The following LRWD1 variants were observed in gnomAD, a reference collection of about 807,000 sequenced individuals.
The protein encoded by LRWD1 is leucine rich repeats and WD repeat domain containing 1.
LRWD1 carries 76 observed loss-of-function variants against 75.6 expected under a neutral mutation model. That is an observed-to-expected ratio of 1.01 (90% CI 0.84 to 1.22). The LOEUF is 1.22. Ranked by LOEUF, LRWD1 falls within the 50% of genes most tolerant of loss-of-function variation. The pLI is 0.00. For synonymous variants in LRWD1, 487 were observed against 377.0 expected (o/e 1.29, Z -3.38); for missense variants, 917 against 862.0 (o/e 1.06, Z -0.80).
chr7:102,465,355 G>T (rs1277714691), intron 1 of LRWD1, among the ~76,000 whole-genome samples, 195 bp downstream of exon 1: 2 of 152,228 alleles, frequency 1.3e-5, no homozygotes, highest in Admixed American at 1.3e-4. Flanking sequence ...ATCCCCTGAA[G>T]GGAGCCCGGA....
intron 10 of LRWD1, 22 bp from the exon 11 acceptor site, chr7:102,469,720 G>T: frequency 6.2e-7 from 1 of 1,611,804 alleles, no homozygotes; most frequent in Non-Finnish European, 8.5e-7. Flanking sequence ...CTGATGCTCT[G>T]TTCCCCCTTG....
In LRWD1 at chr7:102,468,315, A is replaced by G. The variant is rs748048714; in HGVS notation, c.857A>G (p.Asn286Ser). ...LHFLQCHSKNNSPQDLETQLW... is the reference protein window; with the variant it reads ...LHFLQCHSKNSSPQDLETQLW... Reference sequence around the variant, plus strand: ...TTCCTGCAGTGCCACAGCAAGAACAACAGCCCCCAGGACCTCGAGACCCAG... The same window carrying G: ...TTCCTGCAGTGCCACAGCAAGAACAGCAGCCCCCAGGACCTCGAGACCCAG... The change falls in exon 7 of 15, where the codon AAC becomes AGC. Residue 286 changes from asparagine (N) to serine (S), a missense_variant. Asn to Ser is a conservative substitution (Grantham distance 46). Coordinates refer to ENST00000292616, the MANE Select transcript of LRWD1 (RefSeq NM_152892.3). 9 of 1,612,758 alleles carry G rather than the reference A, an allele frequency of 5.6e-6. No homozygotes were observed. Among genetic ancestry groups the G allele is most frequent in the Non-Finnish European group, 7.6e-6 (9 of 1,179,600 alleles).
rs1029953302 is a variant in LRWD1, at chr7:102,465,199, CCGGGCGGT to C, written c.80+44_80+51del. On this transcript the variant is annotated intron_variant, in intron 1 of 14. Coordinates refer to ENST00000292616, the MANE Select transcript of LRWD1 (RefSeq NM_152892.3). Reference sequence around the variant, plus strand: ...AGCGGGTGAGGCTGTGTCCTCGGGGCCGGGCGGTCGGGGAGAAGAGCGGGGACCCTCCC... The same window carrying C: ...AGCGGGTGAGGCTGTGTCCTCGGGGCCGGGGAGAAGAGCGGGGACCCTCCC... 3.0e-5 allele frequency: 42 copies of C among 1,412,938 alleles called. No homozygotes were observed. In the African/African-American group the frequency reaches 5.6e-4, roughly 19 times the overall value. The allele number at this position is 1,412,938 out of a possible 1,614,324, so 87.5% of individuals were successfully genotyped here.
Position 102,472,903 on chromosome 7 carries a change from C to T in LRWD1, c.1804-6C>T, listed in dbSNP as rs751209451. The T allele has an allele frequency of 1.2e-6, 2 of 1,613,548 alleles. No homozygotes were observed. The highest frequency in any genetic ancestry group is 1.1e-5 in the South Asian group (1 of 91,066). On this transcript the variant is annotated splice_region_variant and splice_polypyrimidine_tract_variant and intron_variant, in intron 14 of 14. Coordinates refer to ENST00000292616, the MANE Select transcript of LRWD1 (RefSeq NM_152892.3). The stretch of plus-strand genomic sequence containing the variant: ...CCAGCCCAGCCCTCCCCTCTCTCCC[C>T]ACCAGATCCTGAAGTGGCCCCAGCC...
intron 4 of LRWD1, 37 bp from the exon 5 acceptor site, chr7:102,467,682 A>ACT (rs1798053952): frequency 1.4e-5 from 21 of 1,542,552 alleles, no homozygotes; most frequent in Non-Finnish European, 1.8e-5. Flanking sequence ...GGCACCTGGG[A>ACT]CTCTGCCCAG....
At chr7:102,467,171 G>GTGTGTGTGTGTGTGTGTGTGTGT (rs1554579596) in intron 3 of LRWD1, among the ~76,000 whole-genome samples, 168 bp from the exon 4 acceptor site, 1 of 99,114 alleles carries the variant, frequency 1.0e-5, no homozygotes, top group African/African-American at 4.4e-5. Context: ...GTGTGTGTGG[G>GTGTGTGTGTGTGTGTGTGTGTGT]GTGTGTGTGT....
At chr7:102,471,971 C>G (rs561563355) in intron 11 of LRWD1, 66 of 492,368 alleles carry the variant, frequency 1.3e-4, no homozygotes, top group Admixed American at 1.1e-3. Context: ...TGGCCTAGCC[C>G]CGTCCTGGAA....
In LRWD1 at chr7:102,472,495, T is replaced by C; in HGVS notation, c.1576T>C (p.Trp526Arg). Reference protein sequence around the residue: ...SGLGTICLWSWRQTWGGRGSQ... With the variant: ...SGLGTICLWSRRQTWGGRGSQ... ...CCTGGGCACCATCTGCCTGTGGAGC[T>C]GGAGGCAGACGTGGGGGGGCCGGGG... The change falls in exon 13 of 15, where the codon TGG (tryptophan) becomes CGG (arginine). Residue 526 changes from tryptophan (W) to arginine (R), a missense_variant. By Grantham distance (101) the Trp-to-Arg change is moderately radical. Coordinates refer to ENST00000292616, the MANE Select transcript of LRWD1 (RefSeq NM_152892.3). 1 of 1,547,116 alleles carries C rather than the reference T, an allele frequency of 6.5e-7. No homozygotes were observed.
chr7:102,467,369 A>T lies in LRWD1; in HGVS notation c.463A>T (p.Thr155Ser), dbSNP rs372583053. Residue 155 changes from threonine (T) to serine (S), a missense_variant, in exon 4 of 15, where the codon ACA becomes TCA. Physicochemically the swap from Thr to Ser is moderately conservative, Grantham distance 58. Coordinates refer to ENST00000292616, the MANE Select transcript of LRWD1 (RefSeq NM_152892.3). ...VTAHWEKFMA[T>S]LGPEEEAEKA... is the part of the protein sequence containing the mutation. ...AGCTCACTGGGAGAAGTTCATGGCC[A>T]CACTGGGTCCTGAAGAGGAGGCTGA... The T allele has an allele frequency of 6.0e-5, 96 of 1,612,394 alleles. No homozygotes were observed. Among genetic ancestry groups the T allele is most frequent in the Middle Eastern group, 1.7e-4 (1 of 6,054 alleles).
At position 102,466,067 on chromosome 7, in the gene LRWD1, C is replaced by T; in HGVS notation, c.315+16C>T. ...CTTCCTGACGGTAAGTGGGAGCCTC[C>T]CACCAGCTTCATACCTGGGGCCAGG... On this transcript the variant is annotated intron_variant, in intron 2 of 14. Transcript: ENST00000292616. 1 of 1,613,842 alleles carries T rather than the reference C, an allele frequency of 6.2e-7. No individual in the cohort carries two copies. Among genetic ancestry groups the T allele is most frequent in the Non-Finnish European group, 8.5e-7 (1 of 1,179,766 alleles).
intron 11 of LRWD1, chr7:102,471,898 C>T (rs1798202422): frequency 9.3e-6 from 3 of 321,884 alleles, no homozygotes; most frequent in African/African-American, 2.1e-5. Context: ...GCCAGGAGGC[C>T]CCTGTTCATC....
intron 1 of LRWD1, chr7:102,465,489 CTTTTTTTTTTTTTTTTTTT>C (rs1007523343): frequency 1.9e-4 from 14 of 73,750 alleles, no homozygotes; most frequent in African/African-American, 3.6e-4. Context: ...GTAGTTGCAG[CTTTTTTTTTTTTTTTTTTT>C]TTTTTTTTTT....
At chr7:102,469,101 C>A in intron 9 of LRWD1, 39 bp downstream of exon 9, 1 of 1,519,858 alleles carries the variant, frequency 6.6e-7, no homozygotes, top group South Asian at 1.2e-5. Flanking sequence ...CCCCAAGCAC[C>A]CCTGTCCTGC....
chr7:102,465,019 C>T lies in LRWD1; in HGVS notation c.-62C>T. On this transcript the variant is annotated 5_prime_UTR_variant, in exon 1 of 15. The change creates a new upstream start codon in the 5' untranslated region. Coordinates refer to ENST00000292616, the MANE Select transcript of LRWD1 (RefSeq NM_152892.3). The stretch of plus-strand genomic sequence containing the variant: ...GACGCCAGTGCCGGGCTCCAGGAGA[C>T]GCAGGGCGACGCCACACGCCGGGGT... 2 of 1,391,490 alleles carry T rather than the reference C, an allele frequency of 1.4e-6. No homozygotes were observed. The highest frequency in any genetic ancestry group is 1.6e-5 in the South Asian group (1 of 64,004). 86.2% of individuals were successfully genotyped at this position (1,391,490 alleles called of 1,614,324 possible).
Position 102,469,770 on chromosome 7 carries a change from A to T in LRWD1, c.1330A>T (p.Ile444Phe). ...GCTGCTCACACTGGACACCACCTCTATCCCCCTGCGCCTCTGCCCTGTCGC... is the reference window on the plus strand; with the variant it reads ...GCTGCTCACACTGGACACCACCTCTTTCCCCCTGCGCCTCTGCCCTGTCGC... ...SQLLTLDTTS[I>F]PLRLCPVASC... Residue 444 changes from isoleucine to phenylalanine, a missense_variant, in exon 11 of 15, where the codon ATC becomes TTC. Physicochemically the swap from Ile to Phe is conservative, Grantham distance 21. Coordinates refer to ENST00000292616, the MANE Select transcript of LRWD1 (RefSeq NM_152892.3). 1 of 1,609,714 alleles carries T rather than the reference A, an allele frequency of 6.2e-7. No individual in the cohort carries two copies. The highest frequency in any genetic ancestry group is 8.5e-7 in the Non-Finnish European group (1 of 1,177,390).
At chr7:102,467,169 G>GT (rs773521223) in intron 3 of LRWD1, among the ~76,000 whole-genome samples, 170 bp from the exon 4 acceptor site, 16 of 19,854 alleles carry the variant, frequency 8.1e-4, no homozygotes, top group South Asian at 3.5e-3. Context: ...GGGTGTGTGT[G>GT]GGGTGTGTGT....
Position 102,465,711 on chromosome 7 carries a change from C to T in LRWD1, c.81-106C>T, listed in dbSNP as rs567975415. On this transcript the variant is annotated intron_variant, in intron 1 of 14. Transcript: ENST00000292616. ...CGGGGGGATGGGCGGGGCGGCTACA[C>T]TTGTACGAGAAATGTCAGGTGAAAA... 31 of 797,604 alleles carry T rather than the reference C, an allele frequency of 3.9e-5. No individual in the cohort carries two copies. The South Asian group carries it at 4.9e-4, about 13-fold the overall frequency. The allele number at this position is 797,604 out of a possible 1,614,324, so 49.4% of individuals were successfully genotyped here.
chr7:102,467,174 G>GTGTGTGTA (rs760656169), intron 3 of LRWD1, among the ~76,000 whole-genome samples, 165 bp from the exon 4 acceptor site: 1,484 of 80,048 alleles, frequency 0.019, 77 homozygotes, highest in Middle Eastern at 0.062. Context: ...TGTGTGGGGT[G>GTGTGTGTA]TGTGTGTGTG....
chr7:102,468,831 C>T (rs367870465), intron 8 of LRWD1, 24 bp from the exon 9 acceptor site: 14 of 1,605,304 alleles, frequency 8.7e-6, no homozygotes, highest in Non-Finnish European at 1.2e-5. Context: ...GCCCCAGTGA[C>T]TGTTTACTCT....
Sources: gnomAD v4.1 joint callset for allele counts (sites outside exome capture counted in the v4.1 genomes callset) on GRCh38, gnomAD v4.1.1 for gene constraint, MANE v1.5 for transcripts, NCBI Gene and HGNC (gene_info 2026-07-23, HGNC 2026-07-21) for gene names.